Variants in SMG6 observed in about 807,000 individuals in gnomAD.
SMG6 encodes the protein SMG6 nonsense mediated mRNA decay factor, also known as telomerase-binding protein EST1A.
In SMG6, 66 loss-of-function variants were observed where a neutral mutation model predicts 142.2. The ratio of observed to expected loss-of-function variants is 0.46; its 90% CI spans 0.38 to 0.57. SMG6 has a LOEUF of 0.57. Ranked by LOEUF, SMG6 falls within the 20% of genes least tolerant of loss-of-function variation. The pLI is 0.00. For missense variants in SMG6, 1,793 were observed against 1,832.0 expected (o/e 0.98, Z 0.39); for synonymous variants, 779 against 702.4 (o/e 1.11, Z -1.72).
In SMG6 at chr17:2,065,596, C is replaced by T; in HGVS notation, c.3919G>A (p.Ala1307Thr). 1 of 1,614,120 alleles carries T rather than the reference C, an allele frequency of 6.2e-7. No homozygotes were observed. Among genetic ancestry groups the T allele is most frequent in the Non-Finnish European group, 8.5e-7 (1 of 1,180,038 alleles). ...TCGAGGAACTCGATGGACTTGCGGGCCTTCTCTTGTACCACACGGGCGTAG... is the reference window on the plus strand; with the variant it reads ...TCGAGGAACTCGATGGACTTGCGGGTCTTCTCTTGTACCACACGGGCGTAG... ...GGYARVVQEK[A>T]RKSIEFLEQR... Residue 1307 changes from alanine (A) to threonine (T), a missense_variant, in exon 17 of 19, where the codon GCC (alanine) becomes ACC (threonine). Physicochemically the swap from Ala to Thr is moderately conservative, Grantham distance 58. Transcript: ENST00000263073.
At chr17:2,125,045 A>G (rs1241957228) in intron 13 of SMG6, among the ~76,000 whole-genome samples, 1 of 152,042 alleles carries the variant, frequency 6.6e-6, no homozygotes, top group Non-Finnish European at 1.5e-5. Flanking sequence ...TTGGGGCACT[A>G]TGGTCTCTTC....
At chr17:2,220,733 T>C (rs1040370445) in intron 10 of SMG6, among the ~76,000 whole-genome samples, 6 of 152,248 alleles carry the variant, frequency 3.9e-5, no homozygotes, top group Non-Finnish European at 7.3e-5. Context: ...ATTACAAATG[T>C]TTACAAAGAA....
chr17:2,082,188 G>T lies in SMG6; in HGVS notation c.3535-232C>A, dbSNP rs139603555. 2.4e-4 allele frequency: 131 copies of T among 541,020 alleles called. No homozygotes were observed. In the East Asian group the frequency reaches 3.8e-3, roughly 16 times the overall value. The allele number at this position is 541,020 out of a possible 1,614,324, so 33.5% of individuals were successfully genotyped here. A position where few individuals can be genotyped will look rare whatever the true frequency, so the allele number is the denominator to read the frequency against. On this transcript the variant is annotated intron_variant, in intron 14 of 18. Transcript: ENST00000263073. ...TATACTCTGGGGCTTTTCCCTCAGA[G>T]AGTTACACCATAAGTCACTCGCAAT...
At chr17:2,220,275 TA>T (rs1368617462) in intron 10 of SMG6, among the ~76,000 whole-genome samples, 1 of 152,176 alleles carries the variant, frequency 6.6e-6, no homozygotes, top group African/African-American at 2.4e-5. Context: ...GCTTTATTTA[TA>T]ATACTAGAAA....
At chr17:2,172,182 T>C (rs2071523583) in intron 13 of SMG6, among the ~76,000 whole-genome samples, 3 of 152,152 alleles carry the variant, frequency 2.0e-5, no homozygotes, top group Admixed American at 6.5e-5. Context: ...TTCATATTCC[T>C]ACAAGTTTTT....
intron 8 of SMG6, among the ~76,000 whole-genome samples, chr17:2,249,522 C>T (rs975803504): frequency 1.3e-5 from 2 of 152,100 alleles, no homozygotes; most frequent in Non-Finnish European, 1.5e-5. Context: ...GGTCTCCTCA[C>T]TTTGTTGCCC....
chr17:2,068,737 GTGCACATGCAAGGCCGCTC>G lies in SMG6; in HGVS notation c.3835+22_3835+40del. The G allele has an allele frequency of 3.1e-6, 5 of 1,599,836 alleles. No homozygotes were observed. The highest frequency in any genetic ancestry group is 8.5e-7 in the Non-Finnish European group (1 of 1,172,310). On this transcript the variant is annotated intron_variant, in intron 16 of 18. Coordinates refer to ENST00000263073, the MANE Select transcript of SMG6 (RefSeq NM_017575.5). This position sits in a 1 kb window ranked among gnomAD's most constrained non-coding sequence, Gnocchi z 6.7. ...TGGGGCGTGTGTGGAGGGGGCTGCTGTGCACATGCAAGGCCGCTCTGCCCTTCCCGCCTGACTCACCGAT... is the reference window on the plus strand; with the variant it reads ...TGGGGCGTGTGTGGAGGGGGCTGCTGTGCCCTTCCCGCCTGACTCACCGAT...
rs1231668793 is a variant in SMG6, at chr17:2,300,427, G to C, written c.326C>G (p.Pro109Arg). The C allele has an allele frequency of 6.2e-7, 1 of 1,614,146 alleles. No individual in the cohort carries two copies. The highest frequency in any genetic ancestry group is 1.6e-4 in the Middle Eastern group (1 of 6,062). ...KELNNQEQNG[P>R]IDPENNRGQE... ...TCCCCGATTATTTTCTGGGTCTATA[G>C]GACCATTCTGCTCTTGGTTGTTCAG... Residue 109 changes from proline to arginine, a missense_variant, in exon 2 of 19, where the codon CCT (proline) becomes CGT (arginine). By Grantham distance (103) the Pro-to-Arg change is moderately radical. This residue lies in a region of SMG6 where 1,597 missense variants were observed against 1,584.6 expected (regional missense o/e 1.01). Transcript: ENST00000263073.
intron 10 of SMG6, among the ~76,000 whole-genome samples, chr17:2,224,053 A>G (rs532948674): frequency 1.3e-5 from 2 of 152,130 alleles, no homozygotes; most frequent in Non-Finnish European, 2.9e-5. Flanking sequence ...CATTATTCTG[A>G]AAAAAAGAGT....
At chr17:2,112,231 G>A (rs569011487) in intron 13 of SMG6, among the ~76,000 whole-genome samples, 9 of 151,862 alleles carry the variant, frequency 5.9e-5, no homozygotes, top group East Asian at 1.9e-4. Context: ...TCGGCCGGGC[G>A]CGGTGGCTCA....
rs201780729 is a variant in SMG6, at chr17:2,161,417, T to A, written c.3357+11241A>T. The stretch of plus-strand genomic sequence containing the variant: ...ACCAATCCCGGCCTTTATTTATTTA[T>A]TTTTTTTTTTGAGACAGAGTCTCAC... On this transcript the variant is annotated intron_variant, in intron 13 of 18. Transcript: ENST00000263073. Among the ~76,000 whole-genome samples the A allele has an allele frequency of 1.8e-4, 27 of 148,024 alleles. No individual in the cohort carries two copies. In the East Asian group the frequency reaches 4.5e-3, roughly 25 times the overall value.
intron 10 of SMG6, among the ~76,000 whole-genome samples, chr17:2,230,277 T>C (rs28611065): frequency 0.089 from 8,261 of 93,008 alleles, 837 homozygotes; most frequent in Admixed American, 0.14. Flanking sequence ...AAATAATGTT[T>C]CTCCTTCAGA....
chr17:2,303,333 A>C, intron 1 of SMG6: 22 of 1,145,644 alleles, frequency 1.9e-5, no homozygotes, highest in East Asian at 1.3e-4. Context: ...ATGCCTGGGA[A>C]TCCGGGGCGG....
At position 2,096,428 on chromosome 17, in the gene SMG6, C is replaced by T. The variant is rs145865638; in HGVS notation, c.3358-10527G>A. Among the ~76,000 whole-genome samples, 1,109 of 152,284 alleles carry T rather than the reference C, an allele frequency of 7.3e-3. 19 individuals are homozygous for T. The highest frequency in any genetic ancestry group is 5.5e-3 in the Non-Finnish European group (374 of 68,022). ...TTCACCATGTTGGCCAGGATGGCCTCGAACTCCTGACCTCAGGTGATCCAC... is the reference window on the plus strand; with the variant it reads ...TTCACCATGTTGGCCAGGATGGCCTTGAACTCCTGACCTCAGGTGATCCAC... On this transcript the variant is annotated intron_variant, in intron 13 of 18. Transcript: ENST00000263073.
intron 8 of SMG6, among the ~76,000 whole-genome samples, chr17:2,249,041 C>T (rs1378458302): frequency 6.6e-6 from 1 of 151,776 alleles, no homozygotes; most frequent in Admixed American, 6.6e-5. Context: ...CGCCCGCCAC[C>T]ACGCCCCGTT....
At chr17:2,098,293 A>G (rs1481626448) in intron 13 of SMG6, among the ~76,000 whole-genome samples, 1 of 152,058 alleles carries the variant, frequency 6.6e-6, no homozygotes, top group Non-Finnish European at 1.5e-5. Context: ...GCCAATTGTG[A>G]GCTTCTAATC....
intron 15 of SMG6, among the ~76,000 whole-genome samples, chr17:2,073,208 C>G (rs867025401): frequency 4.0e-5 from 6 of 151,836 alleles, no homozygotes; most frequent in Admixed American, 2.6e-4. Flanking sequence ...CTCAGCCTCC[C>G]AAGTAGCTGG....
At chr17:2,119,257 C>T (rs2069607109) in intron 13 of SMG6, among the ~76,000 whole-genome samples, 1 of 152,006 alleles carries the variant, frequency 6.6e-6, no homozygotes, top group Non-Finnish European at 1.5e-5. Flanking sequence ...TGGGGTTTCA[C>T]TGTGTTAGCC....
chr17:2,244,502 T>G (rs1027230562), intron 9 of SMG6, among the ~76,000 whole-genome samples, 156 bp downstream of exon 9: 5 of 152,086 alleles, frequency 3.3e-5, no homozygotes, highest in African/African-American at 9.7e-5. Context: ...ATGAGCACAG[T>G]AGGACAGAAG....
Sources: allele counts gnomAD v4.1 joint callset (sites outside exome capture counted in the v4.1 genomes callset), GRCh38; gene constraint gnomAD v4.1.1; regional missense constraint gnomAD v4.1.1; non-coding constraint Gnocchi (gnomAD v3.1); transcripts MANE v1.5; gene names NCBI Gene and HGNC (gene_info 2026-07-23, HGNC 2026-07-21).